The following CCDC171 variants were observed in gnomAD, a reference collection of about 807,000 sequenced individuals.
The protein encoded by CCDC171 is coiled-coil domain containing 171, also known as coiled-coil domain-containing protein 171.
CCDC171 carries 177 observed loss-of-function variants against 168.2 expected under a neutral mutation model. The ratio of observed to expected loss-of-function variants is 1.05; its 90% CI spans 0.93 to 1.19. The LOEUF is 1.19. Among genes scored for constraint, CCDC171 ranks in the 50% most tolerant of loss-of-function variants. The pLI, the probability that CCDC171 is intolerant of heterozygous loss-of-function variation, is 0.00. For missense variants in CCDC171, 1,991 were observed against 1,539.0 expected (o/e 1.29, Z -4.91); for synonymous variants, 687 against 540.8 (o/e 1.27, Z -3.75).
intron 2 of CCDC171, among the ~76,000 whole-genome samples, chr9:15,567,921 T>C (rs2039882003): frequency 6.6e-6 from 1 of 152,138 alleles, no homozygotes. Context: ...CCCAAAGTGC[T>C]GGCATCAGGC....
chr9:15,639,588 A>G lies in CCDC171; in HGVS notation c.822+16175A>G, dbSNP rs534521954. ...ATACTTCATTTCTTGCTGAATAAAA[A>G]AATTACAGTGTTCTCCAGTTTATTT... On this transcript the variant is annotated intron_variant, in intron 7 of 25. Coordinates refer to ENST00000380701, the MANE Select transcript of CCDC171 (RefSeq NM_173550.4). Among the ~76,000 whole-genome samples, 8 of 152,230 alleles carry G rather than the reference A, an allele frequency of 5.3e-5. No individual in the cohort carries two copies. In the South Asian group the frequency reaches 1.2e-3, roughly 24 times the overall value.
At chr9:15,940,201 C>T (rs1231795719) in intron 25 of CCDC171, among the ~76,000 whole-genome samples, 1 of 151,794 alleles carries the variant, frequency 6.6e-6, no homozygotes, top group Non-Finnish European at 1.5e-5. Context: ...ACATGTTTTA[C>T]AGTCTATATT....
At chr9:15,617,224 C>T (rs192486107) in intron 6 of CCDC171, among the ~76,000 whole-genome samples, 90 of 152,254 alleles carry the variant, frequency 5.9e-4, no homozygotes, top group Non-Finnish European at 1.0e-3. Context: ...GTTTTGTGCC[C>T]TTGCTGGAGA....
At chr9:15,907,399 A>C (rs542681056) in intron 24 of CCDC171, among the ~76,000 whole-genome samples, 516 of 152,314 alleles carry the variant, frequency 3.4e-3, no homozygotes, top group African/African-American at 0.012. Context: ...CAAAAACAAG[A>C]AATGGGGAAA....
At chr9:16,028,008 T>A (rs528350410) in intron 6 of CCDC171, among the ~76,000 whole-genome samples, 1 of 152,242 alleles carries the variant, frequency 6.6e-6, no homozygotes, top group Admixed American at 6.5e-5. Flanking sequence ...ACTTAGCTTA[T>A]CCCTTCAAGG....
intron 18 of CCDC171, among the ~76,000 whole-genome samples, chr9:15,773,905 T>A (rs2057151723): frequency 6.6e-6 from 1 of 152,066 alleles, no homozygotes; most frequent in South Asian, 2.1e-4. Context: ...GACAAAGGAC[T>A]AATATCCAGA....
chr9:15,782,691 A>G (rs2057728379), intron 20 of CCDC171, among the ~76,000 whole-genome samples: 2 of 152,338 alleles, frequency 1.3e-5, no homozygotes, highest in African/African-American at 4.8e-5. Context: ...ATATGTTCAC[A>G]AGACCCAGCG....
At chr9:16,058,515 G>C (rs1460098030) in intron 1 of CCDC171, among the ~76,000 whole-genome samples, 1 of 152,192 alleles carries the variant, frequency 6.6e-6, no homozygotes, top group Non-Finnish European at 1.5e-5. Flanking sequence ...TCCTTTGCCT[G>C]GTTCTCAGAG....
Position 15,925,238 on chromosome 9 carries a change from G to A in CCDC171, c.3753+4816G>A, listed in dbSNP as rs538879933. Among the ~76,000 whole-genome samples the A allele has an allele frequency of 2.6e-5, 4 of 151,702 alleles. No homozygotes were observed. The East Asian group carries it at 7.8e-4, about 30-fold the overall frequency. On this transcript the variant is annotated intron_variant, in intron 25 of 25. Transcript: ENST00000380701. ...TAAACAATGGGGCTGTCCTAGACTA[G>A]GGTATGAGTAAAACATTTTCAGAGT...
chr9:15,899,794 C>T (rs1299227164), intron 24 of CCDC171, among the ~76,000 whole-genome samples: 6 of 151,988 alleles, frequency 3.9e-5, no homozygotes, highest in African/African-American at 1.4e-4. Flanking sequence ...TATTTTTTCT[C>T]TGTCATTTAC....
intron 21 of CCDC171, among the ~76,000 whole-genome samples, chr9:15,823,899 C>A (rs561063888): frequency 2.0e-5 from 3 of 152,182 alleles, no homozygotes; most frequent in African/African-American, 7.2e-5. Flanking sequence ...TTAACAAAAT[C>A]ATTTTTAGGT....
downstream of CCDC171, among the ~76,000 whole-genome samples, chr9:15,977,374 T>C (rs1831656496): frequency 6.6e-6 from 1 of 152,206 alleles, no homozygotes; most frequent in African/African-American, 2.4e-5. Context: ...TGATACCTAA[T>C]TGATACCACA....
intron 2 of CCDC171, among the ~76,000 whole-genome samples, chr9:15,568,373 C>G (rs1176562995): frequency 2.0e-5 from 3 of 151,082 alleles, no homozygotes; most frequent in Non-Finnish European, 4.4e-5. Context: ...CGGGCTTAGG[C>G]CATTCTCCTG....
rs540436591 is a variant in CCDC171, at chr9:16,008,919, C to T, written n.369-11670C>T. Among the ~76,000 whole-genome samples, 16 of 152,248 alleles carry T rather than the reference C, an allele frequency of 1.1e-4. No homozygotes were observed. In the East Asian group the frequency reaches 2.1e-3, roughly 20 times the overall value. On this transcript the variant is annotated intron_variant and non_coding_transcript_variant, in intron 3 of 9. Coordinates refer to the CCDC171 transcript ENST00000486641. ...CTGGCCATCATGTGAATTCCAGTGTCGGCAGACCTTTTTTTCATATAAGCA... is the reference window on the plus strand; with the variant it reads ...CTGGCCATCATGTGAATTCCAGTGTTGGCAGACCTTTTTTTCATATAAGCA...
At chr9:15,744,815 G>T in intron 17 of CCDC171, 38 bp downstream of exon 17, 1 of 1,581,434 alleles carries the variant, frequency 6.3e-7, no homozygotes, top group Non-Finnish European at 8.6e-7. Flanking sequence ...TAAGTTGCAT[G>T]TAAGCGAAAT....
chr9:15,890,832 A>G (rs139619872), intron 24 of CCDC171, among the ~76,000 whole-genome samples: 258 of 152,242 alleles, frequency 1.7e-3, no homozygotes, highest in Admixed American at 3.0e-3. Flanking sequence ...GAATTTTGTT[A>G]TAGAATAGAG....
chr9:16,048,446 T>C (rs2133067001), intron 1 of CCDC171, among the ~76,000 whole-genome samples: 1 of 152,294 alleles, frequency 6.6e-6, no homozygotes, highest in Non-Finnish European at 1.5e-5. Flanking sequence ...GGCCAGCCAA[T>C]GCCACATTAC....
chr9:15,918,384 G>A (rs1407584963), intron 24 of CCDC171, among the ~76,000 whole-genome samples: 2 of 150,032 alleles, frequency 1.3e-5, no homozygotes, highest in Non-Finnish European at 3.0e-5. Context: ...GAGGGATTAT[G>A]TGGCATTTCC....
chr9:15,882,980 G>GCCAGCCTTCCTTCCTTCCTTCCTT (rs1485710254), intron 24 of CCDC171: 2 of 8,746 alleles, frequency 2.3e-4, no homozygotes, highest in South Asian at 7.9e-3. Flanking sequence ...ATAAAAGCCA[G>GCCAGCCTTCCTTCCTTCCTTCCTT]CCTGCCTGCC....
Sources: gnomAD v4.1 joint callset for allele counts (sites outside exome capture counted in the v4.1 genomes callset) on GRCh38, gnomAD v4.1.1 for gene constraint, MANE v1.5 for transcripts, NCBI Gene and HGNC (gene_info 2026-07-23, HGNC 2026-07-21) for gene names.